CACNA1G: variants seen among roughly 807,000 people sequenced by gnomAD.
CACNA1G encodes the protein voltage-dependent T-type calcium channel subunit alpha-1G.
CACNA1G carries 67 observed loss-of-function variants against 219.4 expected under a neutral mutation model. The observed-to-expected ratio is 0.31, with a 90% CI of 0.25 to 0.37. The LOEUF (loss-of-function observed/expected upper bound fraction) is 0.37, where lower values mean the gene tolerates loss of function less well. Among genes scored for constraint, CACNA1G ranks in the 10% least tolerant of loss-of-function variants. The pLI is 1.00. For synonymous variants in CACNA1G, 1,296 were observed against 1,345.3 expected (o/e 0.96, Z 0.80); for missense variants, 2,380 against 3,231.4 (o/e 0.74, Z 6.39).
Position 50,575,642 on chromosome 17 carries a change from G to A in CACNA1G, c.1240G>A (p.Val414Met), listed in dbSNP as rs766333339. ...RESQLMREQR[V>M]RFLSNASTLA... is the part of the protein sequence containing the mutation. ...AAGCCAGCTGATGCGGGAGCAGCGTGTGCGGTTCCTGTCCAACGCCAGCAC... is the reference window on the plus strand; with the variant it reads ...AAGCCAGCTGATGCGGGAGCAGCGTATGCGGTTCCTGTCCAACGCCAGCAC... Residue 414 changes from valine (V) to methionine (M), a missense_variant, in exon 8 of 38, where the codon GTG (valine) becomes ATG (methionine). Around this residue, in one of 17 missense-constraint regions of CACNA1G, gnomAD observed 72 missense variants for 175.8 expected, o/e 0.41. Coordinates refer to ENST00000359106, the MANE Select transcript of CACNA1G (RefSeq NM_018896.5). The A allele has an allele frequency of 6.2e-7, 1 of 1,613,800 alleles. No individual in the cohort carries two copies. Among genetic ancestry groups the A allele is most frequent in the East Asian group, 2.2e-5 (1 of 44,884 alleles).
At chr17:50,591,671 C>T in intron 11 of CACNA1G, 51 bp downstream of exon 11, 1 of 1,609,150 alleles carries the variant, frequency 6.2e-7, no homozygotes, top group Non-Finnish European at 8.5e-7. Context: ...AGGCTGGGGG[C>T]AGGAGGGCCT....
intron 19 of CACNA1G, among the ~76,000 whole-genome samples, 199 bp from the exon 20 acceptor site, chr17:50,602,621 C>G (rs1200296145): frequency 6.6e-6 from 1 of 152,142 alleles, no homozygotes; most frequent in Non-Finnish European, 1.5e-5. Context: ...TGACTGTCCA[C>G]AGAGCTGCAG....
intron 26 of CACNA1G, 59 bp downstream of exon 26, chr17:50,609,994 G>A (rs766058836): frequency 6.4e-5 from 96 of 1,508,648 alleles, no homozygotes; most frequent in Admixed American, 1.5e-4. Context: ...CTCCCTCCCC[G>A]TGGCTCATTG....
intron 16 of CACNA1G, among the ~76,000 whole-genome samples, chr17:50,598,974 C>G (rs906921559): frequency 6.6e-6 from 1 of 152,088 alleles, no homozygotes; most frequent in Non-Finnish European, 1.5e-5. Context: ...GTGATCTGCC[C>G]GCCTCGGCCT....
Position 50,595,038 on chromosome 17 carries a change from C to G in CACNA1G, c.2956C>G (p.Gln986Glu). ...EDASGQLSCI[Q>E]LPVDSQGGDA... ...TGCGAGTGGACAGTTAAGCTGTATT[C>G]AGCTGCCTGTCGACTCCCAGGGGGT... is the stretch of plus-strand genomic sequence containing the variant. Residue 986 changes from glutamine to glutamate, a missense_variant, in exon 14 of 38, where the codon CAG (glutamine) becomes GAG (glutamate). By Grantham distance (29) the Gln-to-Glu change is conservative. This residue lies in a region of CACNA1G where 418 missense variants were observed against 434.3 expected (regional missense o/e 0.96). Coordinates refer to ENST00000359106, the MANE Select transcript of CACNA1G (RefSeq NM_018896.5). 1 of 1,554,070 alleles carries G rather than the reference C, an allele frequency of 6.4e-7. No individual in the cohort carries two copies. Among genetic ancestry groups the G allele is most frequent in the Non-Finnish European group, 8.7e-7 (1 of 1,148,298 alleles).
At chr17:50,573,556 A>C (rs2039935738) in intron 7 of CACNA1G, 1 of 156,236 alleles carries the variant, frequency 6.4e-6, no homozygotes, top group Non-Finnish European at 1.4e-5. Flanking sequence ...AAGCATGTTT[A>C]CAGAGTTCTG....
chr17:50,584,742 G>A (rs1363155034), intron 9 of CACNA1G, among the ~76,000 whole-genome samples: 1 of 142,944 alleles, frequency 7.0e-6, no homozygotes, highest in Non-Finnish European at 1.5e-5. Context: ...GAGGGACGTG[G>A]AGCCCCCCAT....
intron 16 of CACNA1G, 111 bp downstream of exon 16, chr17:50,597,034 G>C: frequency 9.7e-7 from 1 of 1,035,336 alleles, no homozygotes; most frequent in Non-Finnish European, 1.4e-6. Flanking sequence ...CCCATGGGCT[G>C]GATGGGGCCT....
chr17:50,572,299 C>T (rs929635193), intron 5 of CACNA1G, among the ~76,000 whole-genome samples: 2 of 152,140 alleles, frequency 1.3e-5, no homozygotes, highest in Non-Finnish European at 2.9e-5. Context: ...TCCAGTGATC[C>T]TAACTTGCAG....
At chr17:50,564,125 A>AGTGTGTAAGTGTGTGTGTGTGT (rs1679111720) in intron 1 of CACNA1G, among the ~76,000 whole-genome samples, 1 of 138,610 alleles carries the variant, frequency 7.2e-6, no homozygotes, top group South Asian at 2.3e-4. Flanking sequence ...CCAGGTAGGA[A>AGTGTGTAAGTGTGTGTGTGTGT]GTGTGTGTGT....
chr17:50,588,414 C>T (rs892684537), intron 9 of CACNA1G, among the ~76,000 whole-genome samples: 2 of 52,906 alleles, frequency 3.8e-5, no homozygotes, highest in South Asian at 9.9e-4. Flanking sequence ...CCCGAAAACA[C>T]GGCGAGTGGC....
In CACNA1G at chr17:50,600,984, G is replaced by C. The variant is rs745460427; in HGVS notation, c.3792-67G>C. On this transcript the variant is annotated intron_variant, in intron 18 of 37. Coordinates refer to ENST00000359106, the MANE Select transcript of CACNA1G (RefSeq NM_018896.5). This position sits in a 1 kb window ranked among gnomAD's most constrained non-coding sequence, Gnocchi z 4.1. ...AGGGCACTGGAGGGGCAGGGGCTGCGGGCGGTGCCTCTCGTTGCCACCTGC... is the reference window on the plus strand; with the variant it reads ...AGGGCACTGGAGGGGCAGGGGCTGCCGGCGGTGCCTCTCGTTGCCACCTGC... 5.0e-6 allele frequency: 8 copies of C among 1,596,212 alleles called. No individual in the cohort carries two copies. The highest frequency in any genetic ancestry group is 1.7e-5 in the Admixed American group (1 of 59,612).
In CACNA1G at chr17:50,589,388, C is replaced by T. The variant is rs78611646; in HGVS notation, c.2302-1083C>T. On this transcript the variant is annotated intron_variant, in intron 9 of 37. Transcript: ENST00000359106. ...TCCCCTGAACTCCCGGACTTGCTGCCTGGATAATTTATTTTGGCACTGAAG... is the reference window on the plus strand; with the variant it reads ...TCCCCTGAACTCCCGGACTTGCTGCTTGGATAATTTATTTTGGCACTGAAG... Among the ~76,000 whole-genome samples, 136 of 152,306 alleles carry T rather than the reference C, an allele frequency of 8.9e-4. 2 individuals carry two copies. The East Asian group carries it at 0.023, about 26-fold the overall frequency.
rs964907818 is a variant in CACNA1G at position 50,627,359 on chromosome 17, GAA to G, written c.*612_*613del. The G allele has an allele frequency of 2.5e-6, 1 of 392,690 alleles. No individual in the cohort carries two copies. The highest frequency in any genetic ancestry group is 4.9e-6 in the Non-Finnish European group (1 of 203,104). 24.3% of individuals were successfully genotyped at this position (392,690 alleles called of 1,614,324 possible). On this transcript the variant is annotated 3_prime_UTR_variant, in exon 38 of 38. Transcript: ENST00000359106. ...TCATTTTCTGTAGGGAAAAAAAAAA[GAA>G]AAAGAAAAAATGAGATTTTACAAGT...
rs2041280314 is a variant in CACNA1G at position 50,578,846 on chromosome 17, A to T, written c.2301+282A>T. 6.6e-6 allele frequency among the ~76,000 whole-genome samples: 1 copy of T among 152,180 alleles called. No homozygotes were observed. The highest frequency in any genetic ancestry group is 2.4e-5 in the African/African-American group (1 of 41,432). On this transcript the variant is annotated intron_variant, in intron 9 of 37. Transcript: ENST00000359106. The surrounding 1 kb of genome is among the most constrained non-coding windows in gnomAD (Gnocchi z 4.5). ...AGGCTGGCTTTGAAGGATGTGAACAAGTGGTGAGCATCAGCATGTGGGGAG... is the reference window on the plus strand; with the variant it reads ...AGGCTGGCTTTGAAGGATGTGAACATGTGGTGAGCATCAGCATGTGGGGAG...
chr17:50,568,363 A>T (rs2038493630), intron 1 of CACNA1G, among the ~76,000 whole-genome samples: 3 of 152,162 alleles, frequency 2.0e-5, no homozygotes, highest in Non-Finnish European at 4.4e-5. Context: ...AAAATGATCT[A>T]CCCCAGATAT....
chr17:50,599,382 G>T, intron 16 of CACNA1G, 46 bp from the exon 17 acceptor site: 1 of 1,475,168 alleles, frequency 6.8e-7, no homozygotes, highest in Non-Finnish European at 9.0e-7. Context: ...AGAGGACAGG[G>T]CTGCTGGGCC....
intron 8 of CACNA1G, among the ~76,000 whole-genome samples, chr17:50,576,866 T>A (rs2040784777): frequency 6.6e-6 from 1 of 152,220 alleles, no homozygotes; most frequent in African/African-American, 2.4e-5. Flanking sequence ...TGGCTAAACC[T>A]GAGTCTCATT....
At position 50,578,396 on chromosome 17, in the gene CACNA1G, G is replaced by A; in HGVS notation, c.2133G>A (p.Arg711=). 4 of 1,613,350 alleles carry A rather than the reference G, an allele frequency of 2.5e-6. No individual in the cohort carries two copies. The highest frequency in any genetic ancestry group is 3.4e-6 in the Non-Finnish European group (4 of 1,179,852). Reference sequence around the variant, plus strand: ...GCGACCTCCGGGACCCCCACAGCCGGCGGCAACGGAGCCTGGGCCCAGATG... The same window carrying A: ...GCGACCTCCGGGACCCCCACAGCCGACGGCAACGGAGCCTGGGCCCAGATG... The part of the protein sequence containing the change: ...QHSDLRDPHS[R]RQRSLGPDAE... The change falls in exon 9 of 38, where the codon CGG becomes CGA. Residue 711 remains arginine, a synonymous_variant. Transcript: ENST00000359106. This position sits in a 1 kb window ranked among gnomAD's most constrained non-coding sequence, Gnocchi z 4.5.
Sources: gnomAD v4.1 joint callset for allele counts (sites outside exome capture counted in the v4.1 genomes callset) on GRCh38, gnomAD v4.1.1 for gene constraint, gnomAD v4.1.1 regional missense constraint, Gnocchi (gnomAD v3.1) non-coding constraint, MANE v1.5 for transcripts, NCBI Gene and HGNC (gene_info 2026-07-23, HGNC 2026-07-21) for gene names.